Variants in RIN2 observed in about 807,000 individuals in gnomAD.
RIN2 encodes RAB5 interacting protein 2.
Under a neutral mutation model 78.0 loss-of-function variants are expected in RIN2, and 36 were observed. The ratio of observed to expected loss-of-function variants is 0.46; its 90% confidence interval spans 0.35 to 0.61. The LOEUF is 0.61. Among genes scored for constraint, RIN2 ranks in the 20% least tolerant of loss-of-function variants. The pLI is 0.00. For missense variants in RIN2, 1,087 were observed against 1,159.7 expected (o/e 0.94, Z 0.91); for synonymous variants, 466 against 466.8 (o/e 1.00, Z 0.02).
intron 4 of RIN2, among the ~76,000 whole-genome samples, chr20:19,952,349 G>A (rs914740060): frequency 3.3e-5 from 5 of 152,158 alleles, no homozygotes; most frequent in African/African-American, 4.8e-5. Flanking sequence ...CTAGAGGAGG[G>A]GCTCTAGGTG....
chr20:19,762,889 G>A (rs1411834307), intron 1 of RIN2, among the ~76,000 whole-genome samples: 2 of 151,970 alleles, frequency 1.3e-5, no homozygotes, highest in African/African-American at 4.8e-5. Context: ...TCAGCCTCCT[G>A]AATAGCTGGG....
chr20:19,969,507 A>G (rs1409626222), intron 7 of RIN2, among the ~76,000 whole-genome samples: 1 of 151,848 alleles, frequency 6.6e-6, no homozygotes, highest in Non-Finnish European at 1.5e-5. Flanking sequence ...CCACCTTCAC[A>G]CTCAAACACT....
At chr20:19,899,436 TG>T (rs2038882551) in intron 3 of RIN2, among the ~76,000 whole-genome samples, 1 of 152,256 alleles carries the variant, frequency 6.6e-6, no homozygotes, top group South Asian at 2.1e-4. Context: ...CAACATAATC[TG>T]AAGCTGTACT....
At chr20:19,808,596 G>T (rs2328431) in intron 2 of RIN2, among the ~76,000 whole-genome samples, 16,079 of 152,260 alleles carry the variant, frequency 0.11, 904 homozygotes, top group South Asian at 0.18. Flanking sequence ...CCAATGGATG[G>T]TCTACCCTGG....
intron 3 of RIN2, among the ~76,000 whole-genome samples, chr20:19,933,722 C>T (rs1003426): frequency 0.88 from 134,658 of 152,236 alleles, 60,327 homozygotes; most frequent in Non-Finnish European, 0.98. Flanking sequence ...TAAAAGCTAC[C>T]TGAGACAAGA....
rs535511956 is a variant in RIN2, at chr20:19,777,250, C to A, written c.-163+18923C>A. On this transcript the variant is annotated intron_variant, in intron 1 of 12. Transcript: ENST00000255006. Reference sequence around the variant, plus strand: ...CCCCTGGAAATCTCAGGGGAAGAGACTCCAAGTCCCTGAATCTCTTTCCCT... The same window carrying A: ...CCCCTGGAAATCTCAGGGGAAGAGAATCCAAGTCCCTGAATCTCTTTCCCT... Among the ~76,000 whole-genome samples the A allele has an allele frequency of 1.2e-4, 18 of 152,210 alleles. 1 individual carries two copies. Among genetic ancestry groups the A allele is most frequent in the Non-Finnish European group, 1.8e-4 (12 of 68,034 alleles).
intron 1 of RIN2, among the ~76,000 whole-genome samples, chr20:19,780,938 C>T (rs1054476527): frequency 2.6e-5 from 4 of 151,892 alleles, no homozygotes; most frequent in Non-Finnish European, 4.4e-5. Context: ...GAAGGAAGTT[C>T]ATTTTATTTT....
intron 11 of RIN2, among the ~76,000 whole-genome samples, chr20:19,995,236 A>C (rs2146410090): frequency 6.6e-6 from 1 of 150,770 alleles, no homozygotes; most frequent in East Asian, 1.9e-4. Flanking sequence ...CTGCAGGAAT[A>C]AATTGCCAGT....
At chr20:19,867,303 G>C (rs2123331781) in intron 2 of RIN2, among the ~76,000 whole-genome samples, 1 of 152,234 alleles carries the variant, frequency 6.6e-6, no homozygotes, top group East Asian at 1.9e-4. Context: ...TTAAGAACAA[G>C]GACATATTTT....
At chr20:19,881,690 C>G (rs1175036505) in intron 2 of RIN2, among the ~76,000 whole-genome samples, 1 of 152,200 alleles carries the variant, frequency 6.6e-6, no homozygotes, top group African/African-American at 2.4e-5. Context: ...GATCCTCCCT[C>G]TTTAGCCTCC....
chr20:19,994,200 T>C (rs2042886276), intron 11 of RIN2, among the ~76,000 whole-genome samples: 1 of 152,242 alleles, frequency 6.6e-6, no homozygotes, highest in Non-Finnish European at 1.5e-5. Flanking sequence ...TGTCTGGGGC[T>C]TCTTGGCTGC....
At chr20:19,795,124 A>G (rs1372981302) in intron 1 of RIN2, among the ~76,000 whole-genome samples, 3 of 152,214 alleles carry the variant, frequency 2.0e-5, no homozygotes, top group Non-Finnish European at 4.4e-5. Flanking sequence ...TGGCCCAGGA[A>G]GGTCAGGACA....
chr20:19,928,763 G>T (rs571614747), intron 3 of RIN2, among the ~76,000 whole-genome samples: 1 of 152,150 alleles, frequency 6.6e-6, no homozygotes, highest in African/African-American at 2.4e-5. Flanking sequence ...CCCAACCCCT[G>T]ACCTGCCTTC....
chr20:19,806,717 T>C (rs1411774607), intron 2 of RIN2, among the ~76,000 whole-genome samples: 2 of 152,066 alleles, frequency 1.3e-5, no homozygotes, highest in African/African-American at 4.8e-5. Flanking sequence ...GGTAACATGG[T>C]GAAACCTCAT....
chr20:19,889,209 A>C, intron 2 of RIN2: 1 of 985,454 alleles, frequency 1.0e-6, no homozygotes, highest in Non-Finnish European at 1.2e-6. Flanking sequence ...GTGATCAGCC[A>C]CATTCAATCT....
At chr20:19,921,702 C>T (rs770810970) in intron 3 of RIN2, among the ~76,000 whole-genome samples, 8 of 152,016 alleles carry the variant, frequency 5.3e-5, no homozygotes, top group Admixed American at 3.9e-4. Flanking sequence ...GGCCCAGAGC[C>T]GAAGAACTGT....
intron 3 of RIN2, among the ~76,000 whole-genome samples, chr20:19,892,449 C>T (rs1025846873): frequency 2.0e-5 from 3 of 152,110 alleles, no homozygotes; most frequent in South Asian, 2.1e-4. Context: ...CTCCTGACCT[C>T]GTGATCCACC....
chr20:19,948,181 TCG>T (rs1568647192), intron 4 of RIN2, among the ~76,000 whole-genome samples: 6 of 151,972 alleles, frequency 3.9e-5, no homozygotes, highest in Non-Finnish European at 5.9e-5. Flanking sequence ...ACACAGCTGC[TCG>T]CACAGACACA....
chr20:19,876,372 T>C (rs1200054609), intron 2 of RIN2, among the ~76,000 whole-genome samples: 1 of 151,816 alleles, frequency 6.6e-6, no homozygotes, highest in Non-Finnish European at 1.5e-5. Context: ...TATACCCCAA[T>C]GAGATAATAA....
Sources: allele counts gnomAD v4.1 joint callset (sites outside exome capture counted in the v4.1 genomes callset), GRCh38; gene constraint gnomAD v4.1.1; transcripts MANE v1.5; gene names NCBI Gene and HGNC (gene_info 2026-07-23, HGNC 2026-07-21).